Variants in CEP85L observed in about 807,000 individuals in gnomAD.
CEP85L encodes centrosomal protein 85L, also known as centrosomal protein of 85 kDa-like.
A neutral mutation model predicts 100.3 loss-of-function variants in CEP85L; 60 were observed. The observed-to-expected ratio is 0.60, with a 90% confidence interval of 0.49 to 0.74. The LOEUF is 0.74. Among genes scored for constraint, CEP85L ranks in the 30% least tolerant of loss-of-function variants. CEP85L has a pLI of 0.00. For missense variants in CEP85L, 973 were observed against 936.2 expected (o/e 1.04, Z -0.51); for synonymous variants, 319 against 322.7 (o/e 0.99, Z 0.12).
chr6:118,537,887 T>C (rs980442220), intron 3 of CEP85L: 10 of 985,192 alleles, frequency 1.0e-5, no homozygotes, highest in Non-Finnish European at 8.4e-6. Context: ...CTCTGTTTCC[T>C]GGAATAGTCT....
intron 1 of CEP85L, among the ~76,000 whole-genome samples, chr6:118,660,704 G>C (rs1380664682): frequency 6.6e-6 from 1 of 152,122 alleles, no homozygotes; most frequent in East Asian, 1.9e-4. Flanking sequence ...GTCTTAAGAT[G>C]CTCCTTGCTC....
intron 2 of CEP85L, among the ~76,000 whole-genome samples, chr6:118,578,116 G>C (rs944487996): frequency 3.3e-5 from 5 of 152,166 alleles, no homozygotes; most frequent in African/African-American, 1.2e-4. Context: ...AAGTTCCCTT[G>C]GTCTCTTGCT....
chr6:118,500,236 G>A (rs1038218384), intron 5 of CEP85L, among the ~76,000 whole-genome samples: 4 of 152,148 alleles, frequency 2.6e-5, no homozygotes, highest in African/African-American at 9.7e-5. Flanking sequence ...GAGCCCAGGA[G>A]TTGGAGGCTG....
At chr6:118,489,926 TACAC>T (rs555720881) in intron 6 of CEP85L, among the ~76,000 whole-genome samples, 5 of 151,430 alleles carry the variant, frequency 3.3e-5, no homozygotes, top group South Asian at 4.2e-4. Flanking sequence ...AAATGTTATA[TACAC>T]ACACACACAC....
intron 10 of CEP85L, among the ~76,000 whole-genome samples, chr6:118,474,835 G>A (rs1412056185): frequency 6.6e-6 from 1 of 152,186 alleles, no homozygotes; most frequent in Non-Finnish European, 1.5e-5. Flanking sequence ...GTCATGAAAG[G>A]CAGTTGACAG....
At chr6:118,615,180 T>C (rs564155865) in intron 2 of CEP85L, among the ~76,000 whole-genome samples, 1 of 152,196 alleles carries the variant, frequency 6.6e-6, no homozygotes. Flanking sequence ...CCCAATCTGA[T>C]AGCTAAACAA....
intron 2 of CEP85L, among the ~76,000 whole-genome samples, chr6:118,606,192 A>G (rs1423881805): frequency 2.6e-5 from 4 of 152,172 alleles, no homozygotes; most frequent in Non-Finnish European, 5.9e-5. Context: ...TTTTAACCAT[A>G]GTGCTCTTTA....
At chr6:118,530,483 C>A (rs893922241) in intron 3 of CEP85L, among the ~76,000 whole-genome samples, 4 of 151,630 alleles carry the variant, frequency 2.6e-5, no homozygotes, top group Admixed American at 6.6e-5. Context: ...TCTCTCACAC[C>A]ACTCCTATTC....
At chr6:118,586,825 T>C (rs148714696) in intron 2 of CEP85L, among the ~76,000 whole-genome samples, 1 of 152,338 alleles carries the variant, frequency 6.6e-6, no homozygotes, top group African/African-American at 2.4e-5. Flanking sequence ...ACTCCAACCT[T>C]GCAGGAATTG....
intron 2 of CEP85L, among the ~76,000 whole-genome samples, chr6:118,618,866 A>C (rs1339811017): frequency 6.6e-6 from 1 of 152,170 alleles, no homozygotes; most frequent in African/African-American, 2.4e-5. Context: ...TGCAAGCATC[A>C]GTGGTGCCCC....
intron 2 of CEP85L, 102 bp downstream of exon 2, chr6:118,632,351 T>TATA (rs1774220669): frequency 1.1e-6 from 1 of 919,922 alleles, no homozygotes; most frequent in South Asian, 2.0e-5. Flanking sequence ...ATTCAAACAC[T>TATA]ATAATTTTCA....
At chr6:118,667,308 T>C (rs1776163982) in intron 1 of CEP85L, among the ~76,000 whole-genome samples, 1 of 152,200 alleles carries the variant, frequency 6.6e-6, no homozygotes, top group Non-Finnish European at 1.5e-5. Flanking sequence ...GAACTTGCTT[T>C]GATTTTTTTT....
In CEP85L at chr6:118,565,935, T is replaced by C. The variant is rs1186267115; in HGVS notation, c.614A>G (p.His205Arg). 3 of 1,614,092 alleles carry C rather than the reference T, an allele frequency of 1.9e-6. No homozygotes were observed. Among genetic ancestry groups the C allele is most frequent in the Non-Finnish European group, 1.7e-6 (2 of 1,180,040 alleles). Reference sequence around the variant, plus strand: ...TAACCTAAGCATCTCCATACTATCATGTAAACAGCTAGGCCCAATTGTCCT... The same window carrying C: ...TAACCTAAGCATCTCCATACTATCACGTAAACAGCTAGGCCCAATTGTCCT... ...QLRTIGPSCL[H>R]DSMEMLRLED... is the part of the protein sequence containing the mutation. Residue 205 changes from histidine to arginine, a missense_variant, in exon 3 of 13, where the codon CAT becomes CGT. This residue lies in a region of CEP85L where 890 missense variants were observed against 844.5 expected (regional missense o/e 1.05). Coordinates refer to ENST00000368491, the MANE Select transcript of CEP85L (RefSeq NM_001042475.3).
At chr6:118,704,956 G>A (rs1017664009) in intron 1 of CEP85L, among the ~76,000 whole-genome samples, 3 of 151,692 alleles carry the variant, frequency 2.0e-5, no homozygotes, top group Admixed American at 6.6e-5. Flanking sequence ...CCACATTTCT[G>A]TTCATGCTTT....
intron 6 of CEP85L, among the ~76,000 whole-genome samples, chr6:118,491,094 GTCTCCACGCTGT>G (rs531327924): frequency 9.7e-4 from 147 of 151,988 alleles, no homozygotes; most frequent in African/African-American, 3.4e-3. Context: ...TGTTTAAGGA[GTCTCCACGCTGT>G]TCTCCACGCT....
upstream of CEP85L, chr6:118,651,665 G>A (rs1775574030): frequency 2.0e-6 from 2 of 991,934 alleles, no homozygotes; most frequent in Middle Eastern, 1.0e-3. Flanking sequence ...AATGACTTCA[G>A]GCGTGCGCGG....
intron 1 of CEP85L, among the ~76,000 whole-genome samples, chr6:118,641,965 G>A (rs774479634): frequency 6.6e-6 from 1 of 151,994 alleles, no homozygotes; most frequent in African/African-American, 2.4e-5. Flanking sequence ...AGGGCATACT[G>A]GAAATCAACA....
intron 3 of CEP85L, chr6:118,559,245 T>C (rs1779088418): frequency 4.3e-6 from 3 of 691,924 alleles, no homozygotes; most frequent in South Asian, 1.6e-5. Flanking sequence ...ACCATATGTA[T>C]TCATCTGTTG....
At chr6:118,592,293 G>A (rs981637562) in intron 2 of CEP85L, among the ~76,000 whole-genome samples, 54 of 146,778 alleles carry the variant, frequency 3.7e-4, no homozygotes, top group African/African-American at 1.3e-3. Context: ...CACTTGAAAA[G>A]CTATATAACC....
Sources: gnomAD v4.1 joint callset for allele counts (sites outside exome capture counted in the v4.1 genomes callset) on GRCh38, gnomAD v4.1.1 for gene constraint, gnomAD v4.1.1 regional missense constraint, MANE v1.5 for transcripts, NCBI Gene and HGNC (gene_info 2026-07-23, HGNC 2026-07-21) for gene names.